Variants in SYNPR observed in about 807,000 individuals in gnomAD.
SYNPR encodes synaptoporin.
In SYNPR, 23 loss-of-function variants were observed where a neutral mutation model predicts 32.9. The observed-to-expected ratio is 0.70, with a 90% CI of 0.50 to 0.99. The LOEUF (loss-of-function observed/expected upper bound fraction) is 0.99, where lower values mean the gene tolerates loss of function less well. Among genes scored for constraint, SYNPR ranks in the 50% least tolerant of loss-of-function variants. SYNPR has a pLI of 0.00. For missense variants in SYNPR, 318 were observed against 349.3 expected (o/e 0.91, Z 0.71); for synonymous variants, 146 against 135.9 (o/e 1.07, Z -0.52).
chr3:63,349,480 TA>T (rs1415310282), intron 2 of SYNPR, among the ~76,000 whole-genome samples: 2 of 152,254 alleles, frequency 1.3e-5, no homozygotes. Flanking sequence ...TTCATCATTT[TA>T]AAATTATTTC....
At chr3:63,330,855 T>C (rs1164041798) in intron 2 of SYNPR, among the ~76,000 whole-genome samples, 1 of 152,176 alleles carries the variant, frequency 6.6e-6, no homozygotes, top group Non-Finnish European at 1.5e-5. Flanking sequence ...ACAGATGCTC[T>C]TGATGATCCA....
At chr3:63,379,891 A>T (rs955165352) in intron 2 of SYNPR, among the ~76,000 whole-genome samples, 1 of 151,792 alleles carries the variant, frequency 6.6e-6, no homozygotes, top group Non-Finnish European at 1.5e-5. Flanking sequence ...CCTGTGTCCA[A>T]GTGTTCTCAT....
At chr3:63,543,834 C>G (rs576328072) in intron 3 of SYNPR, among the ~76,000 whole-genome samples, 1 of 152,078 alleles carries the variant, frequency 6.6e-6, no homozygotes, top group Non-Finnish European at 1.5e-5. Context: ...GCTTTTCACT[C>G]TCTAGAATTT....
intron 2 of SYNPR, among the ~76,000 whole-genome samples, chr3:63,294,037 A>G (rs762095594): frequency 1.3e-5 from 2 of 152,144 alleles, no homozygotes; most frequent in Non-Finnish European, 2.9e-5. Context: ...TATATTGTGA[A>G]TTGTTTTTCT....
At chr3:63,285,478 C>T (rs1321400281) in intron 2 of SYNPR, among the ~76,000 whole-genome samples, 4 of 152,156 alleles carry the variant, frequency 2.6e-5, no homozygotes, top group Non-Finnish European at 5.9e-5. Context: ...CAGCAATCTA[C>T]GATTGACAGT....
At chr3:63,362,288 T>C (rs150813034) in intron 2 of SYNPR, among the ~76,000 whole-genome samples, 318 of 152,288 alleles carry the variant, frequency 2.1e-3, no homozygotes, top group African/African-American at 7.5e-3. Flanking sequence ...TGTGTTTTGT[T>C]GTTGTTGTTT....
At chr3:63,423,216 T>C (rs1473666849) in intron 2 of SYNPR, among the ~76,000 whole-genome samples, 1 of 152,160 alleles carries the variant, frequency 6.6e-6, no homozygotes, top group Non-Finnish European at 1.5e-5. Flanking sequence ...CTCAGTTTCA[T>C]CATCTATTTT....
intron 2 of SYNPR, among the ~76,000 whole-genome samples, chr3:63,396,324 G>A (rs999314023): frequency 6.6e-6 from 1 of 152,214 alleles, no homozygotes; most frequent in East Asian, 1.9e-4. Context: ...CTCCGTTTCT[G>A]ACAAAATGAG....
intron 2 of SYNPR, among the ~76,000 whole-genome samples, chr3:63,253,236 T>A (rs2086351654): frequency 6.6e-6 from 1 of 151,962 alleles, no homozygotes; most frequent in Non-Finnish European, 1.5e-5. Flanking sequence ...TAGAGTCAAG[T>A]ATGGTAAATA....
At chr3:63,443,349 G>A (rs1326465880) in intron 2 of SYNPR, 1 of 1,534,804 alleles carries the variant, frequency 6.5e-7, no homozygotes, top group Non-Finnish European at 8.8e-7. Context: ...AGAGGGACAA[G>A]TGGCTGGTGC....
chr3:63,509,996 A>G (rs886796168), intron 3 of SYNPR, among the ~76,000 whole-genome samples: 4 of 150,504 alleles, frequency 2.7e-5, no homozygotes, highest in Non-Finnish European at 4.4e-5. Context: ...TTCCTTTCTC[A>G]TGACTACTAA....
chr3:63,307,929 G>T (rs1238009224), intron 2 of SYNPR, among the ~76,000 whole-genome samples: 7 of 151,854 alleles, frequency 4.6e-5, no homozygotes, highest in African/African-American at 1.7e-4. Context: ...CATAGTTCGT[G>T]GCTTTTAATC....
At chr3:63,588,809 A>G (rs73834615) in intron 4 of SYNPR, among the ~76,000 whole-genome samples, 3,426 of 152,146 alleles carry the variant, frequency 0.023, 120 homozygotes, top group African/African-American at 0.078. Context: ...CTAACATTTA[A>G]TTGTGTGAAC....
intron 4 of SYNPR, among the ~76,000 whole-genome samples, chr3:63,558,435 T>A (rs1702628504): frequency 6.6e-6 from 1 of 152,076 alleles, no homozygotes; most frequent in African/African-American, 2.4e-5. Flanking sequence ...TAGGCTCAGA[T>A]GATCCTCCCA....
At position 63,337,647 on chromosome 3, in the gene SYNPR, T is replaced by C. The variant is rs142057794; in HGVS notation, c.84+58905T>C. 3.2e-3 allele frequency among the ~76,000 whole-genome samples: 485 copies of C among 152,322 alleles called. 5 individuals carry two copies. The highest frequency in any genetic ancestry group is 0.011 in the African/African-American group (467 of 41,564). ...AATAGTTGAATGGATAAACAAACTG[T>C]GGTACGTCCGTACAATGGAATATGT... On this transcript the variant is annotated intron_variant, in intron 2 of 5. Transcript: ENST00000478300.
At chr3:63,394,430 A>G (rs980076066) in intron 2 of SYNPR, among the ~76,000 whole-genome samples, 2 of 152,154 alleles carry the variant, frequency 1.3e-5, no homozygotes, top group African/African-American at 2.4e-5. Context: ...TCCGCTCACA[A>G]TGGGGCTGTC....
chr3:63,223,916 T>C (rs1479824045), upstream of SYNPR, among the ~76,000 whole-genome samples: 1 of 152,218 alleles, frequency 6.6e-6, no homozygotes, highest in Non-Finnish European at 1.5e-5. Context: ...GCATGTATCA[T>C]AGTGCTTTGC....
intron 2 of SYNPR, among the ~76,000 whole-genome samples, chr3:63,302,352 G>A (rs1175528625): frequency 6.6e-6 from 1 of 151,922 alleles, no homozygotes; most frequent in Non-Finnish European, 1.5e-5. Context: ...TTTTCCTTAT[G>A]CCAGGTAATA....
intron 2 of SYNPR, among the ~76,000 whole-genome samples, chr3:63,347,195 A>T (rs927569533): frequency 6.6e-6 from 1 of 152,218 alleles, no homozygotes; most frequent in Non-Finnish European, 1.5e-5. Context: ...TTTCTTAAAC[A>T]ACTATTTTCT....
Sources: allele counts gnomAD v4.1 joint callset (sites outside exome capture counted in the v4.1 genomes callset), GRCh38; gene constraint gnomAD v4.1.1; transcripts MANE v1.5; gene names NCBI Gene and HGNC (gene_info 2026-07-23, HGNC 2026-07-21).